Variants in TPST2 observed in about 807,000 individuals in gnomAD.
TPST2 encodes the protein tyrosylprotein sulfotransferase 2.
In TPST2, 16 loss-of-function variants were observed where a neutral mutation model predicts 27.8. That is an observed-to-expected ratio of 0.58 (90% CI 0.39 to 0.88). The LOEUF is 0.88. TPST2 is among the 40% of genes least tolerant of loss of function. The probability of loss-of-function intolerance (pLI) is 0.00; values close to 1 mark genes in which losing one functional copy is unlikely to be tolerated. For synonymous variants in TPST2, 229 were observed against 231.7 expected, an observed-to-expected ratio of 0.99 and a Z score of 0.10; for missense variants, 464 against 543.1, an observed-to-expected ratio of 0.85 and a Z score of 1.45.
intron 1 of TPST2, among the ~76,000 whole-genome samples, chr22:26,559,583 C>A (rs192791584): frequency 6.1e-4 from 93 of 152,314 alleles, no homozygotes; most frequent in South Asian, 1.5e-3. Flanking sequence ...CAGGAGACCA[C>A]TACTCTACTT....
chr22:26,562,292 G>A (rs996712992), intron 1 of TPST2, among the ~76,000 whole-genome samples: 1 of 152,144 alleles, frequency 6.6e-6, no homozygotes, highest in Non-Finnish European at 1.5e-5. Context: ...TATGCTTAGG[G>A]GCTGCTGGAG....
chr22:26,565,971 A>G (rs1408682365), intron 1 of TPST2, among the ~76,000 whole-genome samples: 2 of 152,216 alleles, frequency 1.3e-5, no homozygotes, highest in Non-Finnish European at 2.9e-5. Context: ...TGTTGTACAC[A>G]CACTTAAAAG....
rs1368631414 is a variant in TPST2 at position 26,570,090 on chromosome 22, AAG to A, written c.-161+19961_-161+19962del. 3.3e-5 allele frequency among the ~76,000 whole-genome samples: 5 copies of A among 151,008 alleles called. No individual in the cohort carries two copies. In the East Asian group the frequency reaches 7.7e-4, roughly 23 times the overall value. On this transcript the variant is annotated intron_variant, in intron 1 of 6. Coordinates refer to ENST00000338754, the MANE Select transcript of TPST2 (RefSeq NM_003595.5). The stretch of plus-strand genomic sequence containing the variant: ...AGGAAAGAAAGAAAGAAAGAAAAGA[AAG>A]AGAGAAAAAAATTAATTAATCACAC...
At chr22:26,549,913 T>C (rs989313605) in intron 1 of TPST2, among the ~76,000 whole-genome samples, 1 of 145,320 alleles carries the variant, frequency 6.9e-6, no homozygotes, top group African/African-American at 2.5e-5. Context: ...GGGATCGCGC[T>C]TGGGAGCTCC....
intron 1 of TPST2, among the ~76,000 whole-genome samples, chr22:26,560,246 G>A (rs997801861): frequency 2.0e-5 from 3 of 152,228 alleles, no homozygotes; most frequent in African/African-American, 7.2e-5. Context: ...AACAAGATAC[G>A]GTAGGATGGT....
chr22:26,558,119 A>G (rs1926897732), intron 1 of TPST2, among the ~76,000 whole-genome samples: 1 of 64,008 alleles, frequency 1.6e-5, no homozygotes, highest in African/African-American at 7.6e-5. Context: ...AATATATATA[A>G]TACACACACA....
chr22:26,548,773 G>T (rs1381719070), intron 1 of TPST2, among the ~76,000 whole-genome samples: 1 of 150,820 alleles, frequency 6.6e-6, no homozygotes, highest in Non-Finnish European at 1.5e-5. Context: ...ACCAGCCTGG[G>T]CAACAAAGTG....
At chr22:26,577,571 G>C (rs1015637045) in intron 1 of TPST2, among the ~76,000 whole-genome samples, 1 of 150,064 alleles carries the variant, frequency 6.7e-6, no homozygotes, top group Admixed American at 6.7e-5. Flanking sequence ...GGATGGTCTC[G>C]AACTCCTGAC....
chr22:26,583,612 T>C (rs1010319558), intron 1 of TPST2, among the ~76,000 whole-genome samples: 3 of 151,492 alleles, frequency 2.0e-5, no homozygotes, highest in African/African-American at 4.9e-5. Context: ...TCCCAGCACT[T>C]TGGGAGGCCA....
At chr22:26,571,589 C>T (rs772238211) in intron 1 of TPST2, among the ~76,000 whole-genome samples, 4 of 152,164 alleles carry the variant, frequency 2.6e-5, no homozygotes, top group Non-Finnish European at 5.9e-5. Context: ...TCACTCTGCA[C>T]CCCTTCTCCT....
chr22:26,581,846 GC>G (rs1230146045), intron 1 of TPST2, among the ~76,000 whole-genome samples: 1 of 152,158 alleles, frequency 6.6e-6, no homozygotes, highest in Non-Finnish European at 1.5e-5. Flanking sequence ...CTCTTCAAAG[GC>G]CAGCAATGTG....
chr22:26,572,380 G>A (rs1927664242), intron 1 of TPST2, among the ~76,000 whole-genome samples: 2 of 152,142 alleles, frequency 1.3e-5, no homozygotes, highest in South Asian at 4.1e-4. Context: ...TAGGAAGGTG[G>A]AGCCGAGATG....
chr22:26,541,317 C>T lies in TPST2; in HGVS notation c.314G>A (p.Arg105His), dbSNP rs1925805078. Residue 105 changes from arginine to histidine, a missense_variant, in exon 3 of 7, where the codon CGC becomes CAC. Transcript: ENST00000338754. The surrounding 1 kb of genome is among the most constrained non-coding windows in gnomAD (Gnocchi z 5.9). ...CCAGGCCTGGCGCATGGCCAGCACG[C>T]GCGGGATGATGCGGGTCTCCTCGCC... ...RCGEETRIIP[R>H]VLAMRQAWSK... is the part of the protein sequence containing the mutation. 1.9e-6 allele frequency: 3 copies of T among 1,546,004 alleles called. No individual in the cohort carries two copies. Among genetic ancestry groups the T allele is most frequent in the Non-Finnish European group, 2.6e-6 (3 of 1,144,288 alleles).
intron 1 of TPST2, among the ~76,000 whole-genome samples, chr22:26,556,150 C>T (rs1387342298): frequency 6.6e-6 from 1 of 152,114 alleles, no homozygotes; most frequent in Non-Finnish European, 1.5e-5. Context: ...AACCTATCTG[C>T]TCCTTTATTA....
At chr22:26,578,965 C>A (rs147606606) in intron 1 of TPST2, among the ~76,000 whole-genome samples, 2 of 151,884 alleles carry the variant, frequency 1.3e-5, no homozygotes, top group Admixed American at 1.3e-4. Context: ...AATCCTCCCA[C>A]CTCAGCCTCC....
chr22:26,562,486 A>G (rs895985627), intron 1 of TPST2, among the ~76,000 whole-genome samples: 4 of 152,170 alleles, frequency 2.6e-5, no homozygotes, highest in African/African-American at 9.7e-5. Flanking sequence ...CAACCTCTAT[A>G]TTACAAACTG....
Position 26,534,031 on chromosome 22 carries a change from C to T in TPST2, c.1042-1286G>A, listed in dbSNP as rs183300253. 2.5e-3 allele frequency among the ~76,000 whole-genome samples: 383 copies of T among 152,200 alleles called. 3 individuals carry two copies. Among genetic ancestry groups the T allele is most frequent in the Non-Finnish European group, 2.9e-3 (197 of 68,004 alleles). On this transcript the variant is annotated intron_variant, in intron 4 of 6. Coordinates refer to ENST00000338754, the MANE Select transcript of TPST2 (RefSeq NM_003595.5). ...TTATATAAAAGTGACTAATAAGAAA[C>T]GTTACATACTTTTTTGTCCTAAGCC...
intron 1 of TPST2, among the ~76,000 whole-genome samples, chr22:26,585,009 T>C (rs1928285728): frequency 6.6e-6 from 1 of 152,216 alleles, no homozygotes; most frequent in South Asian, 2.1e-4. Flanking sequence ...CCAAGATAAG[T>C]GCTTTACCAC....
intron 5 of TPST2, among the ~76,000 whole-genome samples, chr22:26,530,222 C>T (rs1489779629): frequency 1.3e-5 from 2 of 152,134 alleles, no homozygotes; most frequent in African/African-American, 4.8e-5. Flanking sequence ...TGCAGGCATG[C>T]CACTGCACCC....
Sources: gnomAD v4.1 joint callset for allele counts (sites outside exome capture counted in the v4.1 genomes callset) on GRCh38, gnomAD v4.1.1 for gene constraint, Gnocchi (gnomAD v3.1) non-coding constraint, MANE v1.5 for transcripts, NCBI Gene and HGNC (gene_info 2026-07-23, HGNC 2026-07-21) for gene names.